The following ARSG variants were observed in gnomAD, a reference collection of about 807,000 sequenced individuals.
ARSG encodes ASG.
A neutral mutation model predicts 50.5 loss-of-function variants in ARSG; 37 were observed. That is an observed-to-expected ratio of 0.73 (90% CI 0.56 to 0.96). The LOEUF is 0.96. ARSG is among the 50% of genes least tolerant of loss of function. The pLI is 0.00. For synonymous variants in ARSG, 225 were observed against 254.6 expected (o/e 0.88, Z 1.11); for missense variants, 629 against 675.3 (o/e 0.93, Z 0.76).
At chr17:68,446,620 G>C in the ARSG span, among the ~76,000 whole-genome samples, 1 of 152,166 alleles carries the variant, frequency 6.6e-6, no homozygotes, top group Non-Finnish European at 1.5e-5. Flanking sequence ...TCCAATCACT[G>C]TGCCTTTTGC....
intron 1 of ARSG, chr17:68,274,278 C>A (rs2144998774): frequency 4.6e-6 from 2 of 438,540 alleles, no homozygotes; most frequent in East Asian, 3.5e-5. Context: ...CTAGCCCGGG[C>A]AACATGGTGA....
At position 68,395,326 on chromosome 17, in the gene ARSG, G is replaced by A. The variant is rs577198425; in HGVS notation, c.1212+133G>A. 71 of 1,366,010 alleles carry A rather than the reference G, an allele frequency of 5.2e-5. 1 individual carries two copies. The Admixed American group carries it at 1.3e-3, about 25-fold the overall frequency. 84.6% of individuals were successfully genotyped at this position (1,366,010 alleles called of 1,614,324 possible). A position where few individuals can be genotyped will look rare whatever the true frequency, so the allele number is the denominator to read the frequency against. On this transcript the variant is annotated intron_variant, in intron 10 of 11. Transcript: ENST00000621439. Reference sequence around the variant, plus strand: ...CTGCAGGTCGGATACAGTGGCTCACGCCTGTAATCCCAGCACTTTAGGAGA... The same window carrying A: ...CTGCAGGTCGGATACAGTGGCTCACACCTGTAATCCCAGCACTTTAGGAGA...
chr17:68,315,587 T>C (rs781863497), intron 2 of ARSG, among the ~76,000 whole-genome samples: 2 of 151,834 alleles, frequency 1.3e-5, no homozygotes, highest in African/African-American at 2.4e-5. Context: ...TAATGAAGGA[T>C]TTTTGTGCTG....
Position 68,420,650 on chromosome 17 carries a change from G to A in ARSG, c.*187G>A, listed in dbSNP as rs2147618753. The stretch of plus-strand genomic sequence containing the variant: ...ACGCCGACCCGAGAGCAGCTGAGCT[G>A]CGCTGGCTCTGGGCAGGGAGTGTGC... On this transcript the variant is annotated 3_prime_UTR_variant, in exon 12 of 12. Coordinates refer to ENST00000621439, the MANE Select transcript of ARSG (RefSeq NM_001267727.2). 2.9e-6 allele frequency: 2 copies of A among 699,790 alleles called. No individual in the cohort carries two copies. The highest frequency in any genetic ancestry group is 3.8e-5 in the South Asian group (2 of 53,084). 43.3% of individuals were successfully genotyped at this position (699,790 alleles called of 1,614,324 possible).
intron 11 of ARSG, among the ~76,000 whole-genome samples, chr17:68,416,486 G>A (rs143645545): frequency 0.02 from 3,012 of 152,250 alleles, 37 homozygotes; most frequent in Non-Finnish European, 0.032. Context: ...GGTGTTCTTT[G>A]AGCTTCTTGT....
At chr17:68,388,922 C>CAAAAAAA (rs35105754) in intron 9 of ARSG, among the ~76,000 whole-genome samples, 1 of 108,062 alleles carries the variant, frequency 9.3e-6, no homozygotes, top group African/African-American at 3.6e-5. Flanking sequence ...GACTCTGTCT[C>CAAAAAAA]AAAAAAAAAA....
At chr17:68,357,936 GC>G (rs1335676383) in intron 6 of ARSG, among the ~76,000 whole-genome samples, 2 of 152,218 alleles carry the variant, frequency 1.3e-5, no homozygotes, top group Non-Finnish European at 2.9e-5. Context: ...GGGGGTGGTA[GC>G]TCATGCCTAT....
At chr17:68,395,557 A>G (rs1300339164) in intron 10 of ARSG, among the ~76,000 whole-genome samples, 3 of 152,186 alleles carry the variant, frequency 2.0e-5, no homozygotes, top group Non-Finnish European at 4.4e-5. Flanking sequence ...TCAGACCCCA[A>G]AAGGTGAAGC....
downstream of ARSG, among the ~76,000 whole-genome samples, chr17:68,424,738 A>C (rs886318134): frequency 6.6e-6 from 1 of 152,168 alleles, no homozygotes; most frequent in African/African-American, 2.4e-5. Context: ...TTAGTTGGGC[A>C]TGGTGGCGCA....
intron 11 of ARSG, among the ~76,000 whole-genome samples, chr17:68,415,000 C>T (rs142045921): frequency 7.2e-5 from 11 of 152,124 alleles, no homozygotes; most frequent in Admixed American, 1.3e-4. Context: ...TTTCATTTAT[C>T]TTTTTTATTT....
chr17:68,272,650 G>A (rs376339453), intron 1 of ARSG: 23 of 1,613,902 alleles, frequency 1.4e-5, no homozygotes, highest in Non-Finnish European at 1.8e-5. Context: ...TGGTGCGAAA[G>A]CAAACACAGC....
chr17:68,291,351 C>G (rs1339788826), upstream of ARSG: 1 of 150,026 alleles, frequency 6.7e-6, no homozygotes, highest in Admixed American at 6.6e-5. Context: ...TGCTGCCGCC[C>G]GCGCCCCGGC....
chr17:68,265,726 T>C (rs2075146210), intron 1 of ARSG, among the ~76,000 whole-genome samples: 1 of 142,780 alleles, frequency 7.0e-6, no homozygotes, highest in Non-Finnish European at 1.5e-5. Context: ...TTTTTTTTTT[T>C]CAGCCTGAGA....
At chr17:68,328,448 C>T (rs574862861) in intron 2 of ARSG, among the ~76,000 whole-genome samples, 3 of 152,148 alleles carry the variant, frequency 2.0e-5, no homozygotes, top group Non-Finnish European at 4.4e-5. Context: ...CGTATTTGGA[C>T]CCAGGCTTGT....
At chr17:68,331,482 G>C (rs2077767238) in intron 2 of ARSG, among the ~76,000 whole-genome samples, 1 of 152,078 alleles carries the variant, frequency 6.6e-6, no homozygotes, top group African/African-American at 2.4e-5. Flanking sequence ...CTGACCTCAT[G>C]ATCTGCCCGC....
At chr17:68,430,314 C>A in the ARSG span, among the ~76,000 whole-genome samples, 1 of 152,062 alleles carries the variant, frequency 6.6e-6, no homozygotes, top group South Asian at 2.1e-4. Context: ...CAATCCAGGA[C>A]GTATTATTCT....
intron 8 of ARSG, among the ~76,000 whole-genome samples, chr17:68,370,877 C>T (rs1032902165): frequency 6.6e-6 from 1 of 152,156 alleles, no homozygotes; most frequent in African/African-American, 2.4e-5. Context: ...CTTTTTAAAA[C>T]TTCATCCCTC....
At chr17:68,262,093 T>A (rs1425844637) in intron 1 of ARSG, among the ~76,000 whole-genome samples, 32 of 139,572 alleles carry the variant, frequency 2.3e-4, no homozygotes, top group African/African-American at 8.6e-4. Context: ...GAGGCGGAGG[T>A]TGCAGTGAGG....
In ARSG at chr17:68,420,385, C is replaced by G; in HGVS notation, c.1500C>G (p.Ser500Arg). The change falls in exon 12 of 12, where the codon AGC becomes AGG. Residue 500 changes from serine to arginine, a missense_variant. Physicochemically the swap from Ser to Arg is moderately radical, Grantham distance 110. Coordinates refer to ENST00000621439, the MANE Select transcript of ARSG (RefSeq NM_001267727.2). ...ACATTGCCAACGACAACATCTCCAG[C>G]GCAGATTACACTCAGGACCCTTCAG... is the stretch of plus-strand genomic sequence containing the variant. Reference protein sequence around the residue: ...LQDIANDNISSADYTQDPSVT... With the variant: ...LQDIANDNISRADYTQDPSVT... 6.2e-7 allele frequency: 1 copy of G among 1,614,144 alleles called. No homozygotes were observed. Among genetic ancestry groups the G allele is most frequent in the Non-Finnish European group, 8.5e-7 (1 of 1,180,022 alleles).
Sources: gnomAD v4.1 joint callset for allele counts (sites outside exome capture counted in the v4.1 genomes callset) on GRCh38, gnomAD v4.1.1 for gene constraint, MANE v1.5 for transcripts, NCBI Gene and HGNC (gene_info 2026-07-23, HGNC 2026-07-21) for gene names.